ZNF10: variants seen among roughly 807,000 people sequenced by gnomAD.
ZNF10 encodes zinc finger protein 10.
ZNF10 carries 8 observed loss-of-function variants against 12.2 expected under a neutral mutation model. That is an observed-to-expected ratio of 0.66 (90% CI 0.39 to 1.18). The LOEUF (loss-of-function observed/expected upper bound fraction) is 1.18, where lower values mean the gene tolerates loss of function less well. Among genes scored for constraint, ZNF10 ranks in the 50% most tolerant of loss-of-function variants. The pLI is 0.01. For synonymous variants in ZNF10, 229 were observed against 228.2 expected, an observed-to-expected ratio of 1.00 and a Z score of -0.03; for missense variants, 603 against 678.9, an observed-to-expected ratio of 0.89 and a Z score of 1.24.
In ZNF10 at chr12:133,155,575, A is replaced by C. The variant is rs1956034228; in HGVS notation, c.329A>C (p.Asp110Ala). Reference sequence around the variant, plus strand: ...ATTTTTAAAGATAAGCAATCCTGTGACATTAAAATGGAAGGAATGGCAAGG... The same window carrying C: ...ATTTTTAAAGATAAGCAATCCTGTGCCATTAAAATGGAAGGAATGGCAAGG... ...RSIFKDKQSC[D>A]IKMEGMARND... The change falls in exon 5 of 5, where the codon GAC becomes GCC. Residue 110 changes from aspartate (D) to alanine (A), a missense_variant. Transcript: ENST00000248211. 6.2e-7 allele frequency: 1 copy of C among 1,612,572 alleles called. No homozygotes were observed. Among genetic ancestry groups the C allele is most frequent in the Non-Finnish European group, 8.5e-7 (1 of 1,179,636 alleles).
chr12:133,140,618 A>G (rs12305745), intron 1 of ZNF10, among the ~76,000 whole-genome samples: 94,332 of 151,698 alleles, frequency 0.62, 30,715 homozygotes, highest in African/African-American at 0.79. Context: ...GGTTAATTCT[A>G]TTCTCTCGTA....
At position 133,148,545 on chromosome 12, in the gene ZNF10, G is replaced by C. The variant is rs537031249; in HGVS notation, c.34-2483G>C. On this transcript the variant is annotated intron_variant, in intron 2 of 4. Transcript: ENST00000248211. Reference sequence around the variant, plus strand: ...TATATGTTACATTTTGATCTATTTAGGATTTGAAATTTTTTTGCAGATTGA... The same window carrying C: ...TATATGTTACATTTTGATCTATTTACGATTTGAAATTTTTTTGCAGATTGA... Among the ~76,000 whole-genome samples the C allele has an allele frequency of 7.2e-4, 109 of 152,104 alleles. 2 individuals are homozygous for C. The South Asian group carries it at 0.022, about 30-fold the overall frequency.
chr12:133,152,970 A>G (rs572253530), intron 4 of ZNF10, among the ~76,000 whole-genome samples: 1 of 152,260 alleles, frequency 6.6e-6, no homozygotes, highest in South Asian at 2.1e-4. Flanking sequence ...TTTGCCTTGT[A>G]GGTGATTGTA....
rs543223425 is a variant in ZNF10, at chr12:133,155,860, A to G, written c.614A>G (p.Gln205Arg). Reference sequence around the variant, plus strand: ...CATGATTTAGTTCTTAATGGTCATCAGGACAGTTGTGCAAGTAACAGTAAT... The same window carrying G: ...CATGATTTAGTTCTTAATGGTCATCGGGACAGTTGTGCAAGTAACAGTAAT... ...LKHDLVLNGH[Q>R]DSCASNSNEC... is the part of the protein sequence containing the mutation. The change falls in exon 5 of 5, where the codon CAG becomes CGG. Residue 205 changes from glutamine to arginine, a missense_variant. By Grantham distance (43) the Gln-to-Arg change is conservative (BLOSUM62 1). Transcript: ENST00000248211. 2 of 1,613,360 alleles carry G rather than the reference A, an allele frequency of 1.2e-6. No individual in the cohort carries two copies. Among genetic ancestry groups the G allele is most frequent in the African/African-American group, 2.7e-5 (2 of 75,050 alleles).
intron 1 of ZNF10, among the ~76,000 whole-genome samples, chr12:133,136,918 AAATAC>A (rs1413366799): frequency 6.6e-6 from 1 of 152,152 alleles, no homozygotes; most frequent in East Asian, 1.9e-4. Flanking sequence ...CCTCACATTT[AAATAC>A]AGCCTCCTAG....
intron 4 of ZNF10, among the ~76,000 whole-genome samples, chr12:133,152,617 T>C (rs1417362283): frequency 1.3e-5 from 2 of 152,204 alleles, no homozygotes; most frequent in East Asian, 1.9e-4. Context: ...GGTTTTACCA[T>C]GTTGGCTAGG....
chr12:133,137,220 G>T (rs1471742213), intron 1 of ZNF10, among the ~76,000 whole-genome samples: 1 of 152,038 alleles, frequency 6.6e-6, no homozygotes, highest in Non-Finnish European at 1.5e-5. Flanking sequence ...CTACTACCTG[G>T]TTTTTTTTGG....
chr12:133,147,009 A>G (rs1173874369), intron 2 of ZNF10, among the ~76,000 whole-genome samples: 1 of 152,178 alleles, frequency 6.6e-6, no homozygotes, highest in Admixed American at 6.5e-5. Flanking sequence ...ATGGAATCTC[A>G]TAGTATGAAG....
Position 133,155,910 on chromosome 12 carries a change from AACATTCAC to A in ZNF10, c.665_672del (p.Asn222ThrfsTer11), listed in dbSNP as rs1233517203. 1 of 1,613,856 alleles carries A rather than the reference AACATTCAC, an allele frequency of 6.2e-7. No individual in the cohort carries two copies. Among genetic ancestry groups the A allele is most frequent in the Non-Finnish European group, 8.5e-7 (1 of 1,179,950 alleles). On this transcript the variant is annotated frameshift_variant, in exon 5 of 5. Coordinates refer to ENST00000248211, the MANE Select transcript of ZNF10 (RefSeq NM_015394.5). LOFTEE classifies it low-confidence loss of function (END_TRUNC). ...TGAATGTGGTCAAACTTTCTGTCAA[AACATTCAC>A]CTTATTCAGTTTGCAAGAACTCACA...
chr12:133,150,136 C>T (rs1361092951), intron 2 of ZNF10, among the ~76,000 whole-genome samples: 2 of 152,106 alleles, frequency 1.3e-5, no homozygotes, highest in African/African-American at 4.8e-5. Flanking sequence ...GTTATATTTA[C>T]CCAGATATCT....
intron 1 of ZNF10, among the ~76,000 whole-genome samples, chr12:133,137,344 G>A (rs1193229516): frequency 6.6e-6 from 1 of 152,200 alleles, no homozygotes; most frequent in Non-Finnish European, 1.5e-5. Context: ...CCACATTTCT[G>A]AGAATGGCAT....
rs189866461 is a variant in ZNF10 at position 133,133,629 on chromosome 12, T to C, written c.-60+2875T>C. On this transcript the variant is annotated intron_variant, in intron 1 of 4. Coordinates refer to ENST00000248211, the MANE Select transcript of ZNF10 (RefSeq NM_015394.5). Reference sequence around the variant, plus strand: ...GAGATAGTGGGAAGGCGTCACAGCATAGATGGCATTAAAGTGATCCTTAGA... The same window carrying C: ...GAGATAGTGGGAAGGCGTCACAGCACAGATGGCATTAAAGTGATCCTTAGA... 3.2e-3 allele frequency among the ~76,000 whole-genome samples: 495 copies of C among 152,308 alleles called. 3 individuals carry two copies. The highest frequency in any genetic ancestry group is 0.011 in the African/African-American group (470 of 41,572).
Position 133,156,776 on chromosome 12 carries a change from T to C in ZNF10, c.1530T>C (p.Ile510=). The change falls in exon 5 of 5, where the codon ATT becomes ATC. Residue 510 remains isoleucine (I), a synonymous_variant. Coordinates refer to ENST00000248211, the MANE Select transcript of ZNF10 (RefSeq NM_015394.5). ...RKNDLIKHQR[I]HVGEETYKCN... is the part of the protein sequence containing the mutation. ...ATGACCTCATTAAGCACCAGAGAAT[T>C]CATGTTGGAGAAGAGACCTATAAAT... 1 of 1,588,612 alleles carries C rather than the reference T, an allele frequency of 6.3e-7. No homozygotes were observed. The highest frequency in any genetic ancestry group is 8.6e-7 in the Non-Finnish European group (1 of 1,169,406).
chr12:133,135,753 A>G (rs1311322283), intron 1 of ZNF10, among the ~76,000 whole-genome samples: 1 of 152,160 alleles, frequency 6.6e-6, no homozygotes, highest in Non-Finnish European at 1.5e-5. Flanking sequence ...GATTGCACAC[A>G]TTTCTCACAT....
chr12:133,155,349 C>T (rs116946456), intron 4 of ZNF10, among the ~76,000 whole-genome samples, 154 bp from the exon 5 acceptor site: 15 of 152,248 alleles, frequency 9.9e-5, no homozygotes, highest in Non-Finnish European at 1.6e-4. Flanking sequence ...TATTGTTTAC[C>T]GCTCCATTCT....
At position 133,145,035 on chromosome 12, in the gene ZNF10, A is replaced by G. The variant is rs978250085; in HGVS notation, c.33+510A>G. 5 of 307,712 alleles carry G rather than the reference A, an allele frequency of 1.6e-5. No individual in the cohort carries two copies. The Admixed American group carries it at 1.9e-4, about 12-fold the overall frequency. 19.1% of individuals were successfully genotyped at this position (307,712 alleles called of 1,614,324 possible). A position where few individuals can be genotyped will look rare whatever the true frequency, so the allele number is the denominator to read the frequency against. ...GTAGCTGGGACTACAGGCGTGTGCC[A>G]CTATGCCTGGCTAAATTTTTGTATT... On this transcript the variant is annotated intron_variant, in intron 2 of 4. Transcript: ENST00000248211.
chr12:133,141,211 A>G (rs1349420228), intron 1 of ZNF10, among the ~76,000 whole-genome samples: 2 of 152,230 alleles, frequency 1.3e-5, no homozygotes, highest in Non-Finnish European at 2.9e-5. Context: ...GAAAGACCCA[A>G]AAGGATCAAA....
Position 133,156,011 on chromosome 12 carries a change from A to T in ZNF10, c.765A>T (p.Ile255=), listed in dbSNP as rs2135465711. Residue 255 remains isoleucine (I), a synonymous_variant, in exon 5 of 5, where the codon ATA becomes ATT. Transcript: ENST00000248211. ...NSLTHGSSLG[I]SKGIHREKPY... is the part of the protein sequence containing the mutation. ...TTACTCATGGTTCATCTCTTGGTAT[A>T]TCAAAGGGCATACATAGAGAGAAAC... 1 of 1,613,896 alleles carries T rather than the reference A, an allele frequency of 6.2e-7. No individual in the cohort carries two copies. Among genetic ancestry groups the T allele is most frequent in the South Asian group, 1.1e-5 (1 of 91,090 alleles).
intron 1 of ZNF10, 56 bp from the exon 2 acceptor site, chr12:133,144,377 AT>A: frequency 9.3e-7 from 1 of 1,075,234 alleles, no homozygotes; most frequent in Non-Finnish European, 1.4e-6. Flanking sequence ...TAGACTGACA[AT>A]TTAGGGAGCC....
Sources: gnomAD v4.1 joint callset for allele counts (sites outside exome capture counted in the v4.1 genomes callset) on GRCh38, gnomAD v4.1.1 for gene constraint, MANE v1.5 for transcripts, NCBI Gene and HGNC (gene_info 2026-07-23, HGNC 2026-07-21) for gene names.